NTN1: variants seen among roughly 807,000 people sequenced by gnomAD.
The protein encoded by NTN1 is netrin-1.
Under a neutral mutation model 54.2 loss-of-function variants are expected in NTN1, and 11 were observed. The ratio of observed to expected loss-of-function variants is 0.20; its 90% CI spans 0.13 to 0.34. The LOEUF is 0.34. NTN1 is among the 10% of genes least tolerant of loss of function. The probability of loss-of-function intolerance (pLI) is 1.00; values close to 1 mark genes in which losing one functional copy is unlikely to be tolerated. For synonymous variants in NTN1, 371 were observed against 382.0 expected (o/e 0.97, Z 0.33); for missense variants, 740 against 893.1 (o/e 0.83, Z 2.18).
rs544975808 is a variant in NTN1 at position 9,088,359 on chromosome 17, G to A, written c.1018+64968G>A. ...GGGGATCAGGAGTTCTGGGTTCTGG[G>A]TGTGGCTTTATTACCAGCTCACTGG... is the stretch of plus-strand genomic sequence containing the variant. On this transcript the variant is annotated intron_variant, in intron 2 of 6. Coordinates refer to ENST00000173229, the MANE Select transcript of NTN1 (RefSeq NM_004822.3). Among the ~76,000 whole-genome samples the A allele has an allele frequency of 2.0e-5, 3 of 152,282 alleles. No individual in the cohort carries two copies. The South Asian group carries it at 6.2e-4, about 32-fold the overall frequency.
chr17:9,205,875 C>G (rs991153086), intron 5 of NTN1, among the ~76,000 whole-genome samples: 1 of 152,270 alleles, frequency 6.6e-6, no homozygotes, highest in African/African-American at 2.4e-5. Context: ...ACTGCCTCTT[C>G]CTATGTGGCT....
chr17:9,186,858 G>A (rs117642861), intron 5 of NTN1, among the ~76,000 whole-genome samples: 297 of 152,312 alleles, frequency 1.9e-3, no homozygotes, highest in Non-Finnish European at 3.1e-3. Context: ...TGCCAAGATA[G>A]GGAATAGGTT....
intron 2 of NTN1, among the ~76,000 whole-genome samples, chr17:9,084,075 C>A (rs140608537): frequency 6.6e-6 from 1 of 152,008 alleles, no homozygotes; most frequent in Non-Finnish European, 1.5e-5. Context: ...GGAAAGCTTC[C>A]GAAATATATT....
intron 5 of NTN1, among the ~76,000 whole-genome samples, chr17:9,193,893 C>A (rs9892712): frequency 0.19 from 24,667 of 129,954 alleles, 2,569 homozygotes; most frequent in East Asian, 0.44. Context: ...TGTACTCCAG[C>A]CTGGGCGACA....
At chr17:9,182,725 C>T (rs571415295) in intron 4 of NTN1, among the ~76,000 whole-genome samples, 191 bp from the exon 5 acceptor site, 2 of 152,324 alleles carry the variant, frequency 1.3e-5, no homozygotes, top group East Asian at 1.9e-4. Flanking sequence ...AAAAACGCCA[C>T]GTGCCCAGGA....
the NTN1 span, among the ~76,000 whole-genome samples, chr17:9,006,187 A>C: frequency 2.6e-5 from 1 of 38,528 alleles, no homozygotes. Context: ...GGTGGTGGGT[A>C]GTGGGGGGGA....
chr17:9,224,491 A>G (rs68140345), intron 6 of NTN1, among the ~76,000 whole-genome samples: 35,802 of 152,178 alleles, frequency 0.24, 4,600 homozygotes, highest in African/African-American at 0.3. Context: ...CAAAGCAGGT[A>G]GCAGGGACAG....
intron 2 of NTN1, among the ~76,000 whole-genome samples, chr17:9,026,223 G>T (rs888012894): frequency 1.3e-5 from 2 of 151,906 alleles, no homozygotes; most frequent in African/African-American, 4.8e-5. Context: ...ACAGTCCTTC[G>T]ACATAGGGCC....
intron 2 of NTN1, among the ~76,000 whole-genome samples, chr17:9,152,686 C>T (rs2092330977): frequency 6.6e-6 from 1 of 152,198 alleles, no homozygotes; most frequent in South Asian, 2.1e-4. Context: ...GGCCTCCATG[C>T]TGATGTGAGT....
chr17:9,232,945 G>C (rs1905864811), intron 6 of NTN1, among the ~76,000 whole-genome samples: 1 of 152,120 alleles, frequency 6.6e-6, no homozygotes, highest in South Asian at 2.1e-4. Context: ...TTATGGGGCT[G>C]TGCGGCTTTC....
chr17:9,175,600 G>A (rs940389835), intron 3 of NTN1: 3 of 152,266 alleles, frequency 2.0e-5, no homozygotes, highest in African/African-American at 7.2e-5. Context: ...CCTTACAGGT[G>A]AGCCACCGGT....
chr17:9,076,292 C>G lies in NTN1; in HGVS notation c.1018+52901C>G, dbSNP rs1196550195. Among the ~76,000 whole-genome samples the G allele has an allele frequency of 5.3e-5, 8 of 152,246 alleles. No homozygotes were observed. The South Asian group carries it at 1.7e-3, about 32-fold the overall frequency. ...ACACCAGCCTGCACACTGACCACAG[C>G]TGGGAATTTCTTAAAGGCAGAGGGA... On this transcript the variant is annotated intron_variant, in intron 2 of 6. Coordinates refer to ENST00000173229, the MANE Select transcript of NTN1 (RefSeq NM_004822.3).
chr17:9,169,584 G>C (rs1192545777), intron 3 of NTN1, among the ~76,000 whole-genome samples: 1 of 152,212 alleles, frequency 6.6e-6, no homozygotes, highest in African/African-American at 2.4e-5. Context: ...TGGAGGATTG[G>C]CTGGGTGCGG....
At chr17:9,033,917 C>CAAAAAAAAA (rs58699789) in intron 2 of NTN1, among the ~76,000 whole-genome samples, 2 of 106,440 alleles carry the variant, frequency 1.9e-5, no homozygotes, top group Admixed American at 1.1e-4. Context: ...AACTCTGTCT[C>CAAAAAAAAA]AAAAAAAAAA....
In NTN1 at chr17:9,190,800, C is replaced by T. The variant is rs192024925; in HGVS notation, c.1411+7831C>T. Among the ~76,000 whole-genome samples the T allele has an allele frequency of 4.7e-3, 716 of 151,904 alleles. 9 individuals carry two copies. Among genetic ancestry groups the T allele is most frequent in the Non-Finnish European group, 7.7e-3 (526 of 67,944 alleles). ...CTTGGAAGCGGAGGTTGCAGTGAGC[C>T]GAGATCGTGCCACTGCACTCCAGCC... On this transcript the variant is annotated intron_variant, in intron 5 of 6. Transcript: ENST00000173229.
chr17:9,067,053 G>A (rs2092017463), intron 2 of NTN1, among the ~76,000 whole-genome samples: 1 of 150,740 alleles, frequency 6.6e-6, no homozygotes, highest in African/African-American at 2.4e-5. Context: ...GGGAGGCCGA[G>A]GTGGGCGGAT....
At position 9,041,837 on chromosome 17, in the gene NTN1, C is replaced by T. The variant is rs150009315; in HGVS notation, c.1018+18446C>T. Reference sequence around the variant, plus strand: ...CAGCCTGGCCAACGTGGTGAAACTTCGTCTCTACTAAAAATATAAAAATTA... The same window carrying T: ...CAGCCTGGCCAACGTGGTGAAACTTTGTCTCTACTAAAAATATAAAAATTA... On this transcript the variant is annotated intron_variant, in intron 2 of 6. Coordinates refer to ENST00000173229, the MANE Select transcript of NTN1 (RefSeq NM_004822.3). Among the ~76,000 whole-genome samples the T allele has an allele frequency of 2.4e-3, 372 of 151,982 alleles. 2 individuals are homozygous for T. The highest frequency in any genetic ancestry group is 8.6e-3 in the African/African-American group (355 of 41,442).
At chr17:9,169,016 G>A (rs535077394) in intron 3 of NTN1, among the ~76,000 whole-genome samples, 42 of 152,198 alleles carry the variant, frequency 2.8e-4, no homozygotes, top group Non-Finnish European at 5.7e-4. Flanking sequence ...ATTTGGGAGA[G>A]AGAATTCCCA....
chr17:9,051,233 G>T (rs954924077), intron 2 of NTN1, among the ~76,000 whole-genome samples: 2 of 152,216 alleles, frequency 1.3e-5, no homozygotes, highest in Non-Finnish European at 2.9e-5. Flanking sequence ...CCTGGCCAGT[G>T]CCAGGCCTGG....
Sources: allele counts gnomAD v4.1 joint callset (sites outside exome capture counted in the v4.1 genomes callset), GRCh38; gene constraint gnomAD v4.1.1; transcripts MANE v1.5; gene names NCBI Gene and HGNC (gene_info 2026-07-23, HGNC 2026-07-21).